VPS35L: variants seen among roughly 807,000 people sequenced by gnomAD.
VPS35L encodes the protein VPS35 endosomal protein-sorting factor-like.
A neutral mutation model predicts 133.0 loss-of-function variants in VPS35L; 83 were observed. The observed-to-expected ratio is 0.62, with a 90% CI of 0.52 to 0.75. The LOEUF (loss-of-function observed/expected upper bound fraction) is 0.75. VPS35L is among the 30% of genes least tolerant of loss of function. VPS35L has a pLI of 0.00. For synonymous variants in VPS35L, 423 were observed against 449.9 expected (o/e 0.94, Z 0.76); for missense variants, 1,083 against 1,206.8 (o/e 0.90, Z 1.52).
chr16:19,617,555 A>C (rs1485616024), intron 14 of VPS35L: 2 of 152,184 alleles, frequency 1.3e-5, no homozygotes, highest in East Asian at 3.9e-4. Flanking sequence ...TTTCTTTTAT[A>C]ATTTTATTTT....
At chr16:19,627,202 G>A (rs1357228448) in intron 15 of VPS35L, among the ~76,000 whole-genome samples, 1 of 151,510 alleles carries the variant, frequency 6.6e-6, no homozygotes, top group African/African-American at 2.4e-5. Context: ...AGAATCACTT[G>A]AACCCGGGAG....
chr16:19,626,248 C>A, intron 15 of VPS35L, 25 bp downstream of exon 15: 1 of 1,573,032 alleles, frequency 6.4e-7, no homozygotes. Flanking sequence ...ATTCATAAAG[C>A]ATGAGTTTGA....
chr16:19,608,162 G>A lies in VPS35L; in HGVS notation c.785-16G>A. 1.3e-6 allele frequency: 2 copies of A among 1,588,338 alleles called. No homozygotes were observed. Among genetic ancestry groups the A allele is most frequent in the Non-Finnish European group, 1.7e-6 (2 of 1,156,782 alleles). On this transcript the variant is annotated splice_polypyrimidine_tract_variant and intron_variant, in intron 9 of 30. Transcript: ENST00000417362. ...AGATTTAGGAGGGCTGATGGATCTTGTTTTTTGTATTACAGATCACTTTTC... is the reference window on the plus strand; with the variant it reads ...AGATTTAGGAGGGCTGATGGATCTTATTTTTTGTATTACAGATCACTTTTC...
intron 26 of VPS35L, among the ~76,000 whole-genome samples, chr16:19,660,077 G>A (rs1458432156): frequency 6.6e-6 from 1 of 152,132 alleles, no homozygotes; most frequent in Non-Finnish European, 1.5e-5. Context: ...TGTAATCCCA[G>A]CACTTTGGGA....
At chr16:19,661,387 G>A (rs1354162594) in intron 26 of VPS35L, among the ~76,000 whole-genome samples, 1 of 152,130 alleles carries the variant, frequency 6.6e-6, no homozygotes, top group East Asian at 1.9e-4. Context: ...CTTTCTGACA[G>A]TTGCCCAATT....
rs577276822 is a variant in VPS35L at position 19,598,621 on chromosome 16, G to A, written c.725-3043G>A. On this transcript the variant is annotated intron_variant, in intron 8 of 30. Coordinates refer to ENST00000417362, the MANE Select transcript of VPS35L (RefSeq NM_020314.7). ...CAATATGGTGAGACCTCGTCTCTAC[G>A]AAAAATTTAAAAGTTAGCCAGGCAA... is the stretch of plus-strand genomic sequence containing the variant. 3.3e-5 allele frequency among the ~76,000 whole-genome samples: 5 copies of A among 151,946 alleles called. 1 individual carries two copies. The East Asian group carries it at 5.9e-4, about 18-fold the overall frequency.
chr16:19,664,832 G>A (rs1447489601), intron 26 of VPS35L, among the ~76,000 whole-genome samples: 1 of 151,464 alleles, frequency 6.6e-6, no homozygotes, highest in Admixed American at 6.6e-5. Context: ...CCCGGGAGGC[G>A]GAGGCTGCAG....
chr16:19,583,459 C>T lies in VPS35L; in HGVS notation c.639+1806C>T, dbSNP rs147032234. On this transcript the variant is annotated intron_variant, in intron 7 of 30. Coordinates refer to ENST00000417362, the MANE Select transcript of VPS35L (RefSeq NM_020314.7). ...GAGTGATATTTTGATACATGTATCC[C>T]GTGTGTAATGATCAAATCCAAGTAA... Among the ~76,000 whole-genome samples, 122 of 152,132 alleles carry T rather than the reference C, an allele frequency of 8.0e-4. No individual in the cohort carries two copies. The Middle Eastern group carries it at 0.01, about 13-fold the overall frequency.
At chr16:19,661,066 TTATATA>T (rs67155417) in intron 26 of VPS35L, among the ~76,000 whole-genome samples, 2 of 148,480 alleles carry the variant, frequency 1.3e-5, no homozygotes, top group African/African-American at 4.9e-5. Context: ...ATCTATATTC[TTATATA>T]TATATATATA....
At chr16:19,626,320 A>G in intron 15 of VPS35L, 97 bp downstream of exon 15, 1 of 909,832 alleles carries the variant, frequency 1.1e-6, no homozygotes, top group Non-Finnish European at 1.8e-6. Context: ...CTGAAGAGAG[A>G]GAGGCAGGAC....
intron 9 of VPS35L, among the ~76,000 whole-genome samples, chr16:19,602,988 C>G (rs1218858907): frequency 6.6e-6 from 1 of 151,416 alleles, no homozygotes; most frequent in Non-Finnish European, 1.5e-5. Flanking sequence ...TGCTCTCAAA[C>G]TTCTGGGCCC....
At chr16:19,653,430 C>T (rs1437770369) in intron 26 of VPS35L, among the ~76,000 whole-genome samples, 3 of 152,196 alleles carry the variant, frequency 2.0e-5, no homozygotes, top group Non-Finnish European at 2.9e-5. Context: ...CACATGGGGC[C>T]GGTGCTGTGG....
At chr16:19,588,409 T>G (rs1357282073) in intron 7 of VPS35L, among the ~76,000 whole-genome samples, 1 of 150,604 alleles carries the variant, frequency 6.6e-6, no homozygotes, top group African/African-American at 2.4e-5. Flanking sequence ...CTGGTCTCAA[T>G]TCAAACTCCT....
chr16:19,626,661 C>T (rs1372699745), intron 15 of VPS35L, among the ~76,000 whole-genome samples: 1 of 152,082 alleles, frequency 6.6e-6, no homozygotes, highest in Non-Finnish European at 1.5e-5. Flanking sequence ...ACTCAGGAGA[C>T]TGGGGCAGGA....
At chr16:19,655,747 G>A (rs569662428) in intron 26 of VPS35L, among the ~76,000 whole-genome samples, 1 of 152,178 alleles carries the variant, frequency 6.6e-6, no homozygotes, top group Non-Finnish European at 1.5e-5. Context: ...AGAAATGAAG[G>A]ACTTGCAAGC....
At chr16:19,604,120 A>G (rs577339068) in intron 9 of VPS35L, among the ~76,000 whole-genome samples, 2 of 152,058 alleles carry the variant, frequency 1.3e-5, no homozygotes, top group East Asian at 3.9e-4. Flanking sequence ...ACTGAACCAA[A>G]ATAGGTTTTT....
rs1418424269 is a variant in VPS35L at position 19,700,760 on chromosome 16, AAGAG to A, written c.*288_*291del. On this transcript the variant is annotated 3_prime_UTR_variant, in exon 31 of 31. Coordinates refer to ENST00000417362, the MANE Select transcript of VPS35L (RefSeq NM_020314.7). ...GCCCGATCTGATGGGCCTTTTTAGC[AAGAG>A]AGAAACAAGAATGCAAGTAACATCT... The A allele has an allele frequency of 6.2e-5, 22 of 353,212 alleles. No individual in the cohort carries two copies. Among genetic ancestry groups the A allele is most frequent in the Non-Finnish European group, 8.7e-5 (17 of 195,394 alleles). The allele number at this position is 353,212 out of a possible 1,614,324, so 21.9% of individuals were successfully genotyped here.
intron 27 of VPS35L, among the ~76,000 whole-genome samples, chr16:19,669,719 G>T (rs148482970): frequency 1.3e-5 from 2 of 150,148 alleles, no homozygotes; most frequent in Admixed American, 6.7e-5. Context: ...TGCCCAGGCT[G>T]TAGTGCAATG....
At chr16:19,556,347 G>A (rs1360560140) in intron 1 of VPS35L, among the ~76,000 whole-genome samples, 3 of 152,218 alleles carry the variant, frequency 2.0e-5, no homozygotes, top group Non-Finnish European at 4.4e-5. Context: ...AGGGGGCTAG[G>A]GGAAGGCTTC....
Sources: gnomAD v4.1 joint callset for allele counts (sites outside exome capture counted in the v4.1 genomes callset) on GRCh38, gnomAD v4.1.1 for gene constraint, MANE v1.5 for transcripts, NCBI Gene and HGNC (gene_info 2026-07-23, HGNC 2026-07-21) for gene names.